TEX9: variants seen among roughly 807,000 people sequenced by gnomAD.
The protein encoded by TEX9 is testis-expressed protein 9.
Under a neutral mutation model 59.6 loss-of-function variants are expected in TEX9, and 74 were observed. The observed-to-expected ratio is 1.24, with a 90% CI of 1.03 to 1.51. The LOEUF is 1.51. Ranked by LOEUF, TEX9 falls within the 40% of genes most tolerant of loss-of-function variation. TEX9 has a pLI of 0.00. For missense variants in TEX9, 522 were observed against 447.8 expected (o/e 1.17, Z -1.49); for synonymous variants, 186 against 152.2 (o/e 1.22, Z -1.64).
At chr15:56,367,399 T>C (rs2046993727) in intron 2 of TEX9, among the ~76,000 whole-genome samples, 1 of 152,216 alleles carries the variant, frequency 6.6e-6, no homozygotes, top group African/African-American at 2.4e-5. Context: ...TGTCTTGGCA[T>C]TGATCATTAG....
intron 9 of TEX9, among the ~76,000 whole-genome samples, chr15:56,402,823 G>C (rs187518182): frequency 6.6e-6 from 1 of 152,166 alleles, no homozygotes; most frequent in Non-Finnish European, 1.5e-5. Context: ...AACAAGGCTG[G>C]TTCAACATAC....
At chr15:56,421,349 C>A (rs1292970948) in intron 10 of TEX9, among the ~76,000 whole-genome samples, 1 of 151,792 alleles carries the variant, frequency 6.6e-6, no homozygotes, top group Non-Finnish European at 1.5e-5. Context: ...TATCCCTTAT[C>A]AGAAATGCTT....
chr15:56,392,240 A>T (rs2048250450), intron 7 of TEX9, among the ~76,000 whole-genome samples: 1 of 152,214 alleles, frequency 6.6e-6, no homozygotes, highest in South Asian at 2.1e-4. Flanking sequence ...TTTATAAAGA[A>T]ATGGTTTAAT....
At chr15:56,296,902 T>G (rs1443179492) in intron 1 of TEX9, among the ~76,000 whole-genome samples, 4 of 152,152 alleles carry the variant, frequency 2.6e-5, no homozygotes, top group African/African-American at 9.7e-5. Flanking sequence ...TCGTTCCTCT[T>G]TGGTAGATTA....
upstream of TEX9, among the ~76,000 whole-genome samples, chr15:56,362,368 C>T (rs1166741333): frequency 2.6e-5 from 4 of 152,142 alleles, no homozygotes; most frequent in East Asian, 7.7e-4. Flanking sequence ...GTTCTATCCC[C>T]TTGGAGAATT....
intron 1 of TEX9, among the ~76,000 whole-genome samples, chr15:56,312,548 C>G (rs1266921086): frequency 6.7e-6 from 1 of 150,072 alleles, no homozygotes; most frequent in Non-Finnish European, 1.5e-5. Flanking sequence ...GTTACTGTAG[C>G]CTTGTAGTAT....
intron 10 of TEX9, among the ~76,000 whole-genome samples, chr15:56,427,229 C>T (rs1349008034): frequency 6.6e-6 from 1 of 151,446 alleles, no homozygotes. Flanking sequence ...ATATCGCTTC[C>T]AGTTTCTACT....
chr15:56,434,311 G>A, intron 12 of TEX9: 1 of 1,613,826 alleles, frequency 6.2e-7, no homozygotes, highest in Non-Finnish European at 8.5e-7. Context: ...TTTGCAGCCT[G>A]TAGCACTAAT....
exon 10 of TEX9, chr15:56,412,341 A>T (rs758732339): frequency 6.2e-7 from 1 of 1,613,378 alleles, no homozygotes; most frequent in South Asian, 1.1e-5. Context: ...ACAGGCTGCA[A>T]GTAGTCAAAG....
intron 1 of TEX9, among the ~76,000 whole-genome samples, chr15:56,338,098 C>T (rs1255529096): frequency 6.6e-6 from 1 of 152,144 alleles, no homozygotes; most frequent in African/African-American, 2.4e-5. Context: ...CTGAAATGAC[C>T]AGGTGGCAGC....
intron 2 of TEX9, among the ~76,000 whole-genome samples, chr15:56,369,515 TG>T (rs1410310093): frequency 3.3e-5 from 5 of 152,006 alleles, no homozygotes; most frequent in African/African-American, 1.2e-4. Context: ...TTATATTTTT[TG>T]TAGTGATGGG....
At chr15:56,300,708 G>GGAGAGAGAGAGAGAGAGAGAGAGA (rs60361737) in intron 1 of TEX9, among the ~76,000 whole-genome samples, 6 of 102,668 alleles carry the variant, frequency 5.8e-5, no homozygotes, top group African/African-American at 2.4e-4. Flanking sequence ...AGAGAGAGAG[G>GGAGAGAGAGAGAGAGAGAGAGAGA]GAGAGAGAGA....
chr15:56,285,033 A>C (rs2044916173), intron 1 of TEX9, among the ~76,000 whole-genome samples: 1 of 152,076 alleles, frequency 6.6e-6, no homozygotes, highest in Non-Finnish European at 1.5e-5. Context: ...TTTATCTAAG[A>C]TGTTATTATA....
In TEX9 at chr15:56,445,554, TTC is replaced by T. The variant is rs377693016; in HGVS notation, c.*30-115_*30-114del. The T allele has an allele frequency of 2.9e-4, 44 of 152,170 alleles. 2 individuals carry two copies. The highest frequency in any genetic ancestry group is 1.0e-3 in the African/African-American group (42 of 41,562). 9.4% of individuals were successfully genotyped at this position (152,170 alleles called of 1,614,324 possible). On this transcript the variant is annotated intron_variant, in intron 12 of 12. Coordinates refer to ENST00000352903, the Ensembl canonical transcript of TEX9. ...GATAATATGACTTGACCAAAAATGT[TTC>T]TGATTATCTTCTTTGTACATGCTAT...
intron 1 of TEX9, among the ~76,000 whole-genome samples, chr15:56,328,604 G>A (rs1477327421): frequency 1.2e-4 from 19 of 152,170 alleles, no homozygotes; most frequent in African/African-American, 4.6e-4. Context: ...GCTGACCAAA[G>A]AGCCCTTGGA....
intron 1 of TEX9, among the ~76,000 whole-genome samples, chr15:56,360,163 T>C (rs1487361100): frequency 1.3e-5 from 2 of 152,208 alleles, no homozygotes; most frequent in Non-Finnish European, 2.9e-5. Context: ...TAAAAATCTA[T>C]ATTCATGAGG....
rs201266956 is a variant in TEX9, at chr15:56,365,496, T to C, written c.27+19T>C. On this transcript the variant is annotated intron_variant, in intron 1 of 12. Coordinates refer to ENST00000352903, the Ensembl canonical transcript of TEX9. The stretch of plus-strand genomic sequence containing the variant: ...TCTCACGGTCAGTTCAACTCCAGGC[T>C]CCTGGGGAGCGTCTGGGTTCCGGCG... 836 of 1,614,162 alleles carry C rather than the reference T, an allele frequency of 5.2e-4. 3 individuals carry two copies. Among genetic ancestry groups the C allele is most frequent in the South Asian group, 4.1e-3 (369 of 91,080 alleles).
At chr15:56,357,820 A>G (rs1205653085) in intron 1 of TEX9, among the ~76,000 whole-genome samples, 1 of 152,026 alleles carries the variant, frequency 6.6e-6, no homozygotes, top group Non-Finnish European at 1.5e-5. Flanking sequence ...TCTGTCCCTT[A>G]TTTCTATTTC....
At chr15:56,340,543 A>G (rs1245077224) in intron 1 of TEX9, among the ~76,000 whole-genome samples, 1 of 152,178 alleles carries the variant, frequency 6.6e-6, no homozygotes, top group Non-Finnish European at 1.5e-5. Context: ...TCTGCTTATG[A>G]GAACTGGACA....
Sources: gnomAD v4.1 joint callset for allele counts (sites outside exome capture counted in the v4.1 genomes callset) on GRCh38, gnomAD v4.1.1 for gene constraint, MANE v1.5 for transcripts, NCBI Gene and HGNC (gene_info 2026-07-23, HGNC 2026-07-21) for gene names.